Variants in SMOX observed in about 807,000 individuals in gnomAD.
The protein encoded by SMOX is spermine oxidase.
A neutral mutation model predicts 51.0 loss-of-function variants in SMOX; 22 were observed. The observed-to-expected ratio is 0.43, with a 90% CI of 0.31 to 0.62. The LOEUF is 0.62. Ranked by LOEUF, SMOX falls within the 20% of genes least tolerant of loss-of-function variation. The probability of loss-of-function intolerance (pLI) is 0.10; values close to 1 mark genes in which losing one functional copy is unlikely to be tolerated. For missense variants in SMOX, 566 were observed against 777.7 expected, an observed-to-expected ratio of 0.73 and a Z score of 3.24; for synonymous variants, 282 against 307.8, an observed-to-expected ratio of 0.92 and a Z score of 0.88.
In SMOX at chr20:4,183,393, G is replaced by A; in HGVS notation, c.1370-101G>A. ...TACCCCTGGCAGTCTGGTCCTCCCGGAGCCCTGGAGGTGGGGTGGGGGGTT... is the reference window on the plus strand; with the variant it reads ...TACCCCTGGCAGTCTGGTCCTCCCGAAGCCCTGGAGGTGGGGTGGGGGGTT... On this transcript the variant is annotated intron_variant, in intron 5 of 6. Coordinates refer to ENST00000305958, the MANE Select transcript of SMOX (RefSeq NM_175839.3). The surrounding 1 kb of genome is among the most constrained non-coding windows in gnomAD (Gnocchi z 4.3). The A allele has an allele frequency of 3.8e-6, 6 of 1,570,988 alleles. No homozygotes were observed. Among genetic ancestry groups the A allele is most frequent in the Non-Finnish European group, 5.2e-6 (6 of 1,144,958 alleles).
intron 3 of SMOX, among the ~76,000 whole-genome samples, chr20:4,179,493 G>A (rs1979160427): frequency 6.6e-6 from 1 of 152,192 alleles, no homozygotes; most frequent in Non-Finnish European, 1.5e-5. Context: ...GCCATTCTGA[G>A]GAGGGGTGCT....
chr20:4,171,269 C>T (rs970478071), intron 1 of SMOX, among the ~76,000 whole-genome samples: 1 of 152,256 alleles, frequency 6.6e-6, no homozygotes, highest in Admixed American at 6.5e-5. Context: ...GGCAGTTTCT[C>T]ATACATTAAA....
At chr20:4,151,345 C>T (rs1025317950) in intron 1 of SMOX, among the ~76,000 whole-genome samples, 12 of 152,162 alleles carry the variant, frequency 7.9e-5, no homozygotes, top group Non-Finnish European at 1.5e-4. Flanking sequence ...AGTAGAGCAG[C>T]GAGAATGTTA....
intron 6 of SMOX, chr20:4,186,635 C>G (rs1979755659): frequency 4.2e-6 from 3 of 708,782 alleles, no homozygotes; most frequent in Admixed American, 3.9e-5. Flanking sequence ...TGTGGGATCC[C>G]CTGACACTGG....
intron 2 of SMOX, 61 bp downstream of exon 2, chr20:4,175,324 CG>C (rs1978755120): frequency 3.3e-6 from 5 of 1,531,844 alleles, no homozygotes. Context: ...TCCTAATTCC[CG>C]GCTCTGCCTG....
intron 3 of SMOX, among the ~76,000 whole-genome samples, chr20:4,179,139 T>C (rs1451008286): frequency 6.6e-6 from 1 of 152,234 alleles, no homozygotes; most frequent in East Asian, 1.9e-4. Context: ...GCAAAGAGAC[T>C]GAATTGTTAA....
Position 4,149,265 on chromosome 20 carries a change from C to T in SMOX, c.-27+288C>T, listed in dbSNP as rs1457300037. On this transcript the variant is annotated intron_variant, in intron 1 of 6. Coordinates refer to ENST00000305958, the MANE Select transcript of SMOX (RefSeq NM_175839.3). This position sits in a 1 kb window ranked among gnomAD's most constrained non-coding sequence, Gnocchi z 6.0. ...GATCCCGGCGCCAGGGCTGCTCGGC[C>T]CGGGCCGGGCGCCGGGGGTAGAGGG... is the stretch of plus-strand genomic sequence containing the variant. Among the ~76,000 whole-genome samples, 1 of 150,872 alleles carries T rather than the reference C, an allele frequency of 6.6e-6. No individual in the cohort carries two copies. The highest frequency in any genetic ancestry group is 1.5e-5 in the Non-Finnish European group (1 of 67,580).
rs911102326 is a variant in SMOX, at chr20:4,183,825, T to C, written c.1530+171T>C. Among the ~76,000 whole-genome samples, 4 of 152,118 alleles carry C rather than the reference T, an allele frequency of 2.6e-5. No individual in the cohort carries two copies. Among genetic ancestry groups the C allele is most frequent in the African/African-American group, 9.7e-5 (4 of 41,408 alleles). On this transcript the variant is annotated intron_variant, in intron 6 of 6. Coordinates refer to ENST00000305958, the MANE Select transcript of SMOX (RefSeq NM_175839.3). The surrounding 1 kb of genome is among the most constrained non-coding windows in gnomAD (Gnocchi z 4.3). ...CACAAGGAAAAAAGTGTGCACTTAA[T>C]ATCTGGAAGAAAAAATGGAATCAAA...
At chr20:4,157,987 G>A (rs907334086) in intron 1 of SMOX, among the ~76,000 whole-genome samples, 39 of 151,832 alleles carry the variant, frequency 2.6e-4, no homozygotes, top group Non-Finnish European at 4.4e-4. Flanking sequence ...TGCAACCTCC[G>A]CCTCCCGGGT....
In SMOX at chr20:4,182,685, G is replaced by A; in HGVS notation, c.1206G>A (p.Glu402=). 1 of 1,614,154 alleles carries A rather than the reference G, an allele frequency of 6.2e-7. No individual in the cohort carries two copies. Among genetic ancestry groups the A allele is most frequent in the Admixed American group, 1.7e-5 (1 of 60,018 alleles). Residue 402 remains glutamate, a synonymous_variant, in exon 5 of 7, where the codon GAG becomes GAA. Transcript: ENST00000305958. This position sits in a 1 kb window ranked among gnomAD's most constrained non-coding sequence, Gnocchi z 8.4. ...GCCACACCCTCACCTACCCACCTGA[G>A]CTCTGGTACCGCAAGATCTGCGGCT... ...AESHTLTYPP[E]LWYRKICGFD...
At chr20:4,175,742 G>A (rs2122537402) in intron 2 of SMOX, among the ~76,000 whole-genome samples, 1 of 152,252 alleles carries the variant, frequency 6.6e-6, no homozygotes, top group African/African-American at 2.4e-5. Flanking sequence ...GGGATTATCT[G>A]GGAAGTGGAT....
At chr20:4,165,263 C>T (rs569990740) in intron 1 of SMOX, among the ~76,000 whole-genome samples, 161 of 152,180 alleles carry the variant, frequency 1.1e-3, no homozygotes, top group Non-Finnish European at 1.8e-3. Flanking sequence ...ACCATGTTGG[C>T]CAGGCTGGTC....
chr20:4,151,130 C>T (rs531804941), intron 1 of SMOX, among the ~76,000 whole-genome samples: 2 of 152,250 alleles, frequency 1.3e-5, no homozygotes, highest in Non-Finnish European at 2.9e-5. Flanking sequence ...CTGCGCCAGG[C>T]CCATCTACTC....
rs1986793749 is a variant in SMOX, at chr20:4,170,864, G to T, written c.-26-4166G>T. 6.6e-6 allele frequency among the ~76,000 whole-genome samples: 1 copy of T among 152,162 alleles called. No homozygotes were observed. Among genetic ancestry groups the T allele is most frequent in the South Asian group, 2.1e-4 (1 of 4,824 alleles). On this transcript the variant is annotated intron_variant, in intron 1 of 6. Coordinates refer to ENST00000305958, the MANE Select transcript of SMOX (RefSeq NM_175839.3). This position sits in a 1 kb window ranked among gnomAD's most constrained non-coding sequence, Gnocchi z 4.6. The stretch of plus-strand genomic sequence containing the variant: ...TGCAGGCTGGAGAACTGGCTGCGTG[G>T]TATCTTGGATGAAATTGCCAGGGGA...
chr20:4,179,552 G>A (rs1046400139), intron 3 of SMOX, among the ~76,000 whole-genome samples: 41 of 152,152 alleles, frequency 2.7e-4, no homozygotes, highest in African/African-American at 9.2e-4. Context: ...TAAGTATGCA[G>A]CCCCCAAAGA....
chr20:4,150,824 C>CTTTT lies in SMOX; in HGVS notation c.-27+1864_-27+1867dup, dbSNP rs753050845. ...CAGTGAATCGCCCATCATCTACTCA[C>CTTTT]TTTTTTTTTTTTTTTTTTTTCTTTG... On this transcript the variant is annotated intron_variant, in intron 1 of 6. Transcript: ENST00000305958. Among the ~76,000 whole-genome samples, 34 of 107,650 alleles carry CTTTT rather than the reference C, an allele frequency of 3.2e-4. 1 individual carries two copies. The highest frequency in any genetic ancestry group is 6.3e-4 in the East Asian group (2 of 3,190). The allele number at this position is 107,650 out of a possible 152,430, so 70.6% of individuals were successfully genotyped here.
At chr20:4,180,388 G>C (rs970944297) in intron 3 of SMOX, among the ~76,000 whole-genome samples, 1 of 152,212 alleles carries the variant, frequency 6.6e-6, no homozygotes, top group Admixed American at 6.5e-5. Context: ...AGGGCTGGGG[G>C]ACAGGGCAGA....
chr20:4,168,212 T>A (rs2122484597), intron 1 of SMOX, among the ~76,000 whole-genome samples: 1 of 151,994 alleles, frequency 6.6e-6, no homozygotes, highest in South Asian at 2.1e-4. Context: ...AGGTTTAAAG[T>A]CCCCAAGGCT....
chr20:4,172,693 C>T lies in SMOX; in HGVS notation c.-26-2337C>T, dbSNP rs529357972. On this transcript the variant is annotated intron_variant, in intron 1 of 6. Coordinates refer to ENST00000305958, the MANE Select transcript of SMOX (RefSeq NM_175839.3). The surrounding 1 kb of genome is among the most constrained non-coding windows in gnomAD (Gnocchi z 7.7). ...AACTGGACGCTGCCCGGATGTGGCT[C>T]CGGGTCTCGGGCGCCACCTACCGGC... Among the ~76,000 whole-genome samples the T allele has an allele frequency of 6.6e-6, 1 of 151,840 alleles. No homozygotes were observed. The highest frequency in any genetic ancestry group is 1.5e-5 in the Non-Finnish European group (1 of 67,956).
Sources: allele counts gnomAD v4.1 joint callset (sites outside exome capture counted in the v4.1 genomes callset), GRCh38; gene constraint gnomAD v4.1.1; non-coding constraint Gnocchi (gnomAD v3.1); transcripts MANE v1.5; gene names NCBI Gene and HGNC (gene_info 2026-07-23, HGNC 2026-07-21).